ASAP1: variants seen among roughly 807,000 people sequenced by gnomAD.
The protein encoded by ASAP1 is ArfGAP with SH3 domain, ankyrin repeat and PH domain 1.
In ASAP1, 43 loss-of-function variants were observed where a neutral mutation model predicts 145.2. The observed-to-expected ratio is 0.30, with a 90% CI of 0.23 to 0.38. ASAP1 has a LOEUF of 0.38. ASAP1 is among the 10% of genes least tolerant of loss of function. The probability of loss-of-function intolerance (pLI) is 1.00; values close to 1 mark genes in which losing one functional copy is unlikely to be tolerated. For missense variants in ASAP1, 1,018 were observed against 1,355.3 expected, an observed-to-expected ratio of 0.75 and a Z score of 3.91; for synonymous variants, 546 against 515.5, an observed-to-expected ratio of 1.06 and a Z score of -0.80.
chr8:130,116,863 A>ACTAG lies in ASAP1; in HGVS notation c.1996+13_1996+16dup, dbSNP rs2097557061. On this transcript the variant is annotated intron_variant, in intron 21 of 29. Coordinates refer to ENST00000518721, the MANE Select transcript of ASAP1 (RefSeq NM_018482.4). ...ACACGCTTACTACAGTCATGAAGAC[A>ACTAG]CTAGACACACTCTTACCTATATCCA... 6.2e-7 allele frequency: 1 copy of ACTAG among 1,601,426 alleles called. No homozygotes were observed. Among genetic ancestry groups the ACTAG allele is most frequent in the African/African-American group, 1.3e-5 (1 of 74,654 alleles).
intron 2 of ASAP1, among the ~76,000 whole-genome samples, chr8:130,359,449 AG>A: frequency 6.6e-6 from 1 of 151,994 alleles, no homozygotes; most frequent in South Asian, 2.1e-4. Context: ...AAGAAGAAGA[AG>A]AAAAAAAAAG....
chr8:130,402,096 A>G (rs886716920), intron 1 of ASAP1, 126 bp from the exon 2 acceptor site: 6 of 596,666 alleles, frequency 1.0e-5, no homozygotes, highest in East Asian at 2.8e-5. Context: ...TTCTTGCACC[A>G]CAGAGTGGCT....
intron 13 of ASAP1, among the ~76,000 whole-genome samples, chr8:130,149,112 T>C (rs1201937622): frequency 6.7e-6 from 1 of 149,038 alleles, no homozygotes; most frequent in Non-Finnish European, 1.5e-5. Flanking sequence ...CCTCCCAAAA[T>C]GAGGCATGAG....
At chr8:130,152,392 C>A (rs996443730) in intron 13 of ASAP1, among the ~76,000 whole-genome samples, 1 of 152,130 alleles carries the variant, frequency 6.6e-6, no homozygotes, top group African/African-American at 2.4e-5. Context: ...TCTACTGTTA[C>A]GTTTCCTACA....
At chr8:130,097,168 G>GA (rs59375266) in intron 24 of ASAP1, among the ~76,000 whole-genome samples, 5 of 104,232 alleles carry the variant, frequency 4.8e-5, no homozygotes, top group Non-Finnish European at 9.7e-5. Context: ...AAAAGTCCTT[G>GA]AAAACTGTAT....
At chr8:130,225,320 G>A (rs1042687639) in intron 4 of ASAP1, among the ~76,000 whole-genome samples, 5 of 151,994 alleles carry the variant, frequency 3.3e-5, no homozygotes, top group South Asian at 4.1e-4. Context: ...TTGGGTTTCC[G>A]GCCTTATGTT....
At chr8:130,098,442 C>T (rs1182868788) in intron 24 of ASAP1, among the ~76,000 whole-genome samples, 1 of 152,176 alleles carries the variant, frequency 6.6e-6, no homozygotes, top group African/African-American at 2.4e-5. Flanking sequence ...CTCCCGGGTT[C>T]AAGCGATTCT....
intron 24 of ASAP1, among the ~76,000 whole-genome samples, chr8:130,103,660 G>A (rs2097532495): frequency 6.6e-6 from 1 of 152,010 alleles, no homozygotes; most frequent in Non-Finnish European, 1.5e-5. Context: ...GTGCCACCAC[G>A]CCCAGCTAAT....
chr8:130,414,759 CTTTT>C (rs548202897), intron 1 of ASAP1, among the ~76,000 whole-genome samples: 1 of 140,376 alleles, frequency 7.1e-6, no homozygotes. Context: ...TTCTATAACT[CTTTT>C]TTTTTTTTTT....
chr8:130,364,622 C>G (rs1280865704), intron 2 of ASAP1, among the ~76,000 whole-genome samples: 1 of 152,158 alleles, frequency 6.6e-6, no homozygotes, highest in East Asian at 1.9e-4. Flanking sequence ...CTGGGGAACT[C>G]ATTACAAGCC....
At chr8:130,113,827 G>A (rs2097550455) in intron 23 of ASAP1, among the ~76,000 whole-genome samples, 1 of 151,646 alleles carries the variant, frequency 6.6e-6, no homozygotes. Flanking sequence ...CCACACCCAG[G>A]CTGGAGTGCA....
chr8:130,312,894 G>A (rs567420723), intron 3 of ASAP1, among the ~76,000 whole-genome samples: 11 of 152,290 alleles, frequency 7.2e-5, no homozygotes, highest in Admixed American at 1.3e-4. Flanking sequence ...GAATAAGCAC[G>A]TGAGAAAGAC....
At chr8:130,072,340 T>C (rs2097448498) in intron 27 of ASAP1, among the ~76,000 whole-genome samples, 2 of 152,314 alleles carry the variant, frequency 1.3e-5, no homozygotes, top group South Asian at 4.1e-4. Flanking sequence ...ATGGGGGCAG[T>C]TCCCCCCATA....
chr8:130,077,011 C>T (rs1023295287), intron 26 of ASAP1, among the ~76,000 whole-genome samples: 2 of 152,328 alleles, frequency 1.3e-5, no homozygotes, highest in East Asian at 3.9e-4. Context: ...AGTAACTCTT[C>T]CCACATGATC....
chr8:130,134,926 A>G (rs2097591042), intron 14 of ASAP1, among the ~76,000 whole-genome samples: 1 of 152,192 alleles, frequency 6.6e-6, no homozygotes, highest in Admixed American at 6.5e-5. Flanking sequence ...AACACCCCCA[A>G]CACTAGACAT....
chr8:130,092,267 C>A, intron 24 of ASAP1, 124 bp from the exon 25 acceptor site: 1 of 994,558 alleles, frequency 1.0e-6, no homozygotes, highest in Admixed American at 3.7e-5. Flanking sequence ...AAGCAAAAGG[C>A]TGGATATGGC....
intron 10 of ASAP1, 66 bp from the exon 11 acceptor site, chr8:130,167,688 CA>C: frequency 8.8e-7 from 1 of 1,140,102 alleles, no homozygotes. Context: ...TTAATTTATC[CA>C]AAAATACCAC....
intron 13 of ASAP1, among the ~76,000 whole-genome samples, chr8:130,139,468 G>C (rs759097485): frequency 6.6e-6 from 1 of 152,230 alleles, no homozygotes; most frequent in South Asian, 2.1e-4. Flanking sequence ...TCTCATGCCT[G>C]TAATCCCAGC....
chr8:130,343,397 C>G (rs1167156337), intron 3 of ASAP1, among the ~76,000 whole-genome samples: 1 of 152,208 alleles, frequency 6.6e-6, no homozygotes, highest in Non-Finnish European at 1.5e-5. Context: ...CTTCACTACT[C>G]CTACTCGCTT....
Sources: gnomAD v4.1 joint callset for allele counts (sites outside exome capture counted in the v4.1 genomes callset) on GRCh38, gnomAD v4.1.1 for gene constraint, MANE v1.5 for transcripts, NCBI Gene and HGNC (gene_info 2026-07-23, HGNC 2026-07-21) for gene names.